The following C1orf105 variants were observed in gnomAD, a reference collection of about 807,000 sequenced individuals.
The protein encoded by C1orf105 is chromosome 1 open reading frame 105.
In C1orf105, 17 loss-of-function variants were observed where a neutral mutation model predicts 20.8. The observed-to-expected ratio is 0.82, with a 90% confidence interval of 0.56 to 1.23. The LOEUF is 1.23. Among genes scored for constraint, C1orf105 ranks in the 50% most tolerant of loss-of-function variants. The pLI, the probability that C1orf105 is intolerant of heterozygous loss-of-function variation, is 0.00. For missense variants in C1orf105, 219 were observed against 213.5 expected (o/e 1.03, Z -0.16); for synonymous variants, 72 against 72.1 (o/e 1.00, Z 0.01).
In C1orf105 at chr1:172,448,497, C is replaced by T. The variant is rs867889558; in HGVS notation, c.164C>T (p.Pro55Leu). ...TCATCCAAGAAGAATATGAATTTGCCAATTTTGTTTCAAGTTCCAGATGTT... is the reference window on the plus strand; with the variant it reads ...TCATCCAAGAAGAATATGAATTTGCTAATTTTGTTTCAAGTTCCAGATGTT... ...LTSSKKNMNL[P>L]ILFQVPDVLS... The change falls in exon 3 of 7, where the codon CCA becomes CTA. Residue 55 changes from proline to leucine, a missense_variant. Physicochemically the swap from Pro to Leu is moderately conservative, Grantham distance 98. Coordinates refer to ENST00000367727, the MANE Select transcript of C1orf105 (RefSeq NM_139240.4). 1 of 1,613,408 alleles carries T rather than the reference C, an allele frequency of 6.2e-7. No individual in the cohort carries two copies. Among genetic ancestry groups the T allele is most frequent in the Non-Finnish European group, 8.5e-7 (1 of 1,179,408 alleles).
At chr1:172,464,644 GT>G (rs35644684) in intron 5 of C1orf105, among the ~76,000 whole-genome samples, 43,609 of 146,414 alleles carry the variant, frequency 0.3, 6,344 homozygotes, top group South Asian at 0.46. Context: ...GAAGAGTTCT[GT>G]TTTTTTTTTT....
At chr1:172,426,699 T>G (rs186425300) in intron 1 of C1orf105, among the ~76,000 whole-genome samples, 48 of 152,322 alleles carry the variant, frequency 3.2e-4, no homozygotes, top group Admixed American at 9.8e-4. Context: ...TATCCTATCT[T>G]TCTAGCCTAC....
chr1:172,458,489 A>T (rs1649470176), intron 4 of C1orf105, among the ~76,000 whole-genome samples: 2 of 152,338 alleles, frequency 1.3e-5, no homozygotes, highest in East Asian at 3.8e-4. Context: ...AATAAATTTA[A>T]CACGAGAAGC....
At chr1:172,452,922 C>A in intron 3 of C1orf105, 1 of 1,514,920 alleles carries the variant, frequency 6.6e-7, no homozygotes. Context: ...CCTGTTATTG[C>A]TGCTGAGCTG....
intron 2 of C1orf105, among the ~76,000 whole-genome samples, chr1:172,446,456 C>T (rs1558135812): frequency 1.3e-5 from 2 of 152,194 alleles, no homozygotes; most frequent in African/African-American, 4.8e-5. Context: ...CAGCCCACCC[C>T]CACGCCAGCA....
At chr1:172,450,279 G>C (rs757468870) in intron 3 of C1orf105, among the ~76,000 whole-genome samples, 2 of 152,196 alleles carry the variant, frequency 1.3e-5, no homozygotes, top group Non-Finnish European at 2.9e-5. Flanking sequence ...ATTTGCACAT[G>C]AGAAAGAGTC....
intron 3 of C1orf105, among the ~76,000 whole-genome samples, chr1:172,456,022 C>T (rs1302914251): frequency 2.0e-5 from 3 of 152,250 alleles, no homozygotes; most frequent in Middle Eastern, 3.4e-3. Context: ...TATGGTGGAG[C>T]CTTTTTATGA....
chr1:172,442,774 G>A (rs2149170220), intron 1 of C1orf105: 1 of 678,998 alleles, frequency 1.5e-6, no homozygotes, highest in Non-Finnish European at 2.6e-6. Context: ...TCAAAGGCAG[G>A]GGCTAGGCCT....
chr1:172,452,092 C>T lies in C1orf105; in HGVS notation c.198+3561C>T, dbSNP rs555721101. Among the ~76,000 whole-genome samples, 7 of 152,014 alleles carry T rather than the reference C, an allele frequency of 4.6e-5. No individual in the cohort carries two copies. The East Asian group carries it at 1.2e-3, about 25-fold the overall frequency. On this transcript the variant is annotated intron_variant, in intron 3 of 6. Transcript: ENST00000367727. ...TTCACCATGTTGGTCAGGCTGGTCTCGAACTCCTGACCTCATGATCCGCCT... is the reference window on the plus strand; with the variant it reads ...TTCACCATGTTGGTCAGGCTGGTCTTGAACTCCTGACCTCATGATCCGCCT...
Position 172,444,339 on chromosome 1 carries a change from G to A in C1orf105, c.22-734G>A, listed in dbSNP as rs147442864. ...CTGGGCCAGTAGGTGAGAGATAATG[G>A]CCGCTTTTGTTGCGCTCCTTTATTA... On this transcript the variant is annotated intron_variant, in intron 1 of 6. Coordinates refer to ENST00000367727, the MANE Select transcript of C1orf105 (RefSeq NM_139240.4). 1.1e-3 allele frequency: 1,091 copies of A among 980,814 alleles called. 8 individuals carry two copies. In the African/African-American group the frequency reaches 0.018, roughly 16 times the overall value. The allele number at this position is 980,814 out of a possible 1,614,324, so 60.8% of individuals were successfully genotyped here. A position where few individuals can be genotyped will look rare whatever the true frequency, so the allele number is the denominator to read the frequency against.
chr1:172,426,799 C>A (rs2071735063), intron 1 of C1orf105, among the ~76,000 whole-genome samples: 1 of 152,204 alleles, frequency 6.6e-6, no homozygotes, highest in African/African-American at 2.4e-5. Context: ...GAGGTTCACT[C>A]TCCTTACCCA....
At chr1:172,430,770 T>C (rs982495377) in intron 1 of C1orf105, among the ~76,000 whole-genome samples, 17 of 152,320 alleles carry the variant, frequency 1.1e-4, no homozygotes, top group African/African-American at 4.1e-4. Context: ...AATTGAAGAT[T>C]TGTGGCAACC....
chr1:172,456,542 G>A, intron 4 of C1orf105, 53 bp downstream of exon 4: 1 of 1,533,696 alleles, frequency 6.5e-7, no homozygotes, highest in South Asian at 1.1e-5. Flanking sequence ...GTGCAGCACT[G>A]CCCTTCCCAG....
intron 1 of C1orf105, chr1:172,441,694 T>A (rs757401848): frequency 6.7e-7 from 1 of 1,492,662 alleles, no homozygotes; most frequent in South Asian, 1.4e-5. Flanking sequence ...GGCTAATCTA[T>A]CAGCTTGCTT....
chr1:172,462,897 C>G (rs148290485), intron 5 of C1orf105, among the ~76,000 whole-genome samples: 3 of 152,052 alleles, frequency 2.0e-5, no homozygotes, highest in African/African-American at 7.2e-5. Context: ...CTCAACTTCC[C>G]AAATAGCTGC....
chr1:172,462,646 A>G (rs1397243886), intron 5 of C1orf105, among the ~76,000 whole-genome samples: 2 of 152,188 alleles, frequency 1.3e-5, no homozygotes, highest in Admixed American at 1.3e-4. Context: ...AGTAACTAAA[A>G]TTCCTCTTTA....
At chr1:172,468,319 T>C in intron 6 of C1orf105, 130 bp from the exon 7 acceptor site, 1 of 683,388 alleles carries the variant, frequency 1.5e-6, no homozygotes, top group African/African-American at 1.8e-5. Flanking sequence ...AAAATCAAAT[T>C]ATTAGGTGAA....
chr1:172,443,965 AC>A, intron 1 of C1orf105: 4 of 1,000,002 alleles, frequency 4.0e-6, no homozygotes, highest in Non-Finnish European at 4.8e-6. Context: ...GGAAACACTG[AC>A]CGTTACACGG....
chr1:172,458,795 C>T (rs369372263), intron 4 of C1orf105, among the ~76,000 whole-genome samples: 5 of 152,020 alleles, frequency 3.3e-5, no homozygotes, highest in Non-Finnish European at 7.4e-5. Flanking sequence ...GATTTTAAAA[C>T]TAACTACAAA....
Sources: allele counts gnomAD v4.1 joint callset (sites outside exome capture counted in the v4.1 genomes callset), GRCh38; gene constraint gnomAD v4.1.1; transcripts MANE v1.5; gene names NCBI Gene and HGNC (gene_info 2026-07-23, HGNC 2026-07-21).